The following EXOC4 variants were observed in gnomAD, a reference collection of about 807,000 sequenced individuals.
The protein encoded by EXOC4 is exocyst complex component 4.
A neutral mutation model predicts 107.2 loss-of-function variants in EXOC4; 71 were observed. The observed-to-expected ratio is 0.66, with a 90% confidence interval of 0.55 to 0.81. The LOEUF (loss-of-function observed/expected upper bound fraction) is 0.81. EXOC4 is among the 30% of genes least tolerant of loss of function. The pLI, the probability that EXOC4 is intolerant of heterozygous loss-of-function variation, is 0.00. For synonymous variants in EXOC4, 456 were observed against 441.2 expected (o/e 1.03, Z -0.42); for missense variants, 1,108 against 1,189.6 (o/e 0.93, Z 1.01).
intron 9 of EXOC4, among the ~76,000 whole-genome samples, chr7:133,610,805 T>C (rs887163829): frequency 3.3e-5 from 5 of 151,196 alleles, no homozygotes; most frequent in Admixed American, 2.6e-4. Flanking sequence ...ATATATTTGT[T>C]CTTTTTTACT....
At chr7:133,425,076 G>A (rs1055259817) in intron 7 of EXOC4, among the ~76,000 whole-genome samples, 1 of 149,550 alleles carries the variant, frequency 6.7e-6, no homozygotes, top group Non-Finnish European at 1.5e-5. Context: ...TGGACTCCAT[G>A]AACTGCAGTT....
intron 10 of EXOC4, among the ~76,000 whole-genome samples, chr7:133,748,054 C>T (rs968106125): frequency 4.6e-5 from 7 of 152,132 alleles, no homozygotes; most frequent in African/African-American, 1.7e-4. Flanking sequence ...TAGATTTTCT[C>T]TTCCCGGGGG....
At chr7:133,406,879 A>G (rs542550449) in intron 7 of EXOC4, among the ~76,000 whole-genome samples, 2 of 152,238 alleles carry the variant, frequency 1.3e-5, no homozygotes, top group Admixed American at 6.5e-5. Context: ...GAGAGGGGAC[A>G]GTCCATTGCC....
chr7:133,392,381 G>A (rs1190244525), intron 7 of EXOC4, among the ~76,000 whole-genome samples: 1 of 152,108 alleles, frequency 6.6e-6, no homozygotes, highest in South Asian at 2.1e-4. Flanking sequence ...CATCCCTCCT[G>A]GTGTTGTAGA....
chr7:133,888,759 C>T (rs991596068), intron 11 of EXOC4, among the ~76,000 whole-genome samples: 4 of 152,102 alleles, frequency 2.6e-5, no homozygotes, highest in South Asian at 2.1e-4. Flanking sequence ...AGCAGAACTC[C>T]GGTCTGGCTC....
At chr7:133,505,687 T>C (rs1313805048) in intron 9 of EXOC4, among the ~76,000 whole-genome samples, 2 of 152,176 alleles carry the variant, frequency 1.3e-5, no homozygotes, top group Admixed American at 6.5e-5. Flanking sequence ...TTAGATCACA[T>C]TAAGGTTTTC....
At chr7:133,260,550 A>G (rs756478220) in intron 1 of EXOC4, among the ~76,000 whole-genome samples, 2 of 152,250 alleles carry the variant, frequency 1.3e-5, no homozygotes, top group Non-Finnish European at 2.9e-5. Flanking sequence ...CAGGGATTAC[A>G]GGTGTGAGGC....
At chr7:133,438,528 C>T (rs943815964) in intron 7 of EXOC4, among the ~76,000 whole-genome samples, 6 of 152,084 alleles carry the variant, frequency 3.9e-5, no homozygotes, top group Middle Eastern at 3.2e-3. Context: ...GCTTTAATAG[C>T]CATGAGAATC....
chr7:133,689,133 G>T (rs1457217228), intron 10 of EXOC4, among the ~76,000 whole-genome samples: 1 of 152,082 alleles, frequency 6.6e-6, no homozygotes, highest in Admixed American at 6.5e-5. Flanking sequence ...CATAGTAGAG[G>T]TGATTATTCA....
intron 9 of EXOC4, among the ~76,000 whole-genome samples, chr7:133,512,284 G>A (rs1195652291): frequency 6.6e-6 from 1 of 152,078 alleles, no homozygotes; most frequent in Non-Finnish European, 1.5e-5. Flanking sequence ...ACAAAAATTA[G>A]CCAGGCGTGG....
chr7:133,650,584 C>G (rs1346440315), intron 10 of EXOC4, among the ~76,000 whole-genome samples: 3 of 152,052 alleles, frequency 2.0e-5, no homozygotes, highest in Non-Finnish European at 1.5e-5. Context: ...CTAATTCATG[C>G]CACTTCAAAC....
intron 5 of EXOC4, 22 bp downstream of exon 5, chr7:133,317,412 C>A: frequency 6.7e-7 from 1 of 1,497,696 alleles, no homozygotes; most frequent in Non-Finnish European, 9.3e-7. Flanking sequence ...ATTCTTCAGC[C>A]ACTAAGCTTT....
chr7:133,348,976 T>C (rs1795847512), intron 5 of EXOC4, among the ~76,000 whole-genome samples: 1 of 152,200 alleles, frequency 6.6e-6, no homozygotes, highest in Non-Finnish European at 1.5e-5. Flanking sequence ...AATCTGGTCA[T>C]TATACCTCTT....
At chr7:133,536,136 T>A (rs1800265395) in intron 9 of EXOC4, among the ~76,000 whole-genome samples, 1 of 152,190 alleles carries the variant, frequency 6.6e-6, no homozygotes, top group Non-Finnish European at 1.5e-5. Flanking sequence ...ATACTCCTAG[T>A]CACACTGTCC....
chr7:133,320,409 C>G (rs1206383499), intron 5 of EXOC4, among the ~76,000 whole-genome samples: 1 of 152,164 alleles, frequency 6.6e-6, no homozygotes, highest in African/African-American at 2.4e-5. Context: ...CCTCCATCTT[C>G]AAAACCAGCA....
intron 10 of EXOC4, among the ~76,000 whole-genome samples, chr7:133,805,919 T>C (rs1392227411): frequency 1.3e-5 from 2 of 152,250 alleles, no homozygotes; most frequent in Admixed American, 6.5e-5. Flanking sequence ...ATTCTGTCTA[T>C]TCACCTGCGT....
chr7:134,055,511 C>A (rs6971064), intron 17 of EXOC4, among the ~76,000 whole-genome samples: 26,669 of 152,194 alleles, frequency 0.18, 2,715 homozygotes, highest in African/African-American at 0.27. Context: ...CATATGTTCC[C>A]ATCAAAGCCA....
At position 133,843,537 on chromosome 7, in the gene EXOC4, A is replaced by G. The variant is rs116459353; in HGVS notation, c.1734+25993A>G. 2.4e-3 allele frequency among the ~76,000 whole-genome samples: 360 copies of G among 152,332 alleles called. 5 individuals are homozygous for G. The highest frequency in any genetic ancestry group is 8.1e-3 in the African/African-American group (336 of 41,584). ...GATTTTGTATCCTGAAACTTTGCCA[A>G]AGTTGCTTATCAGATCAAGGAGCTT... On this transcript the variant is annotated intron_variant, in intron 11 of 17. Coordinates refer to ENST00000253861, the MANE Select transcript of EXOC4 (RefSeq NM_021807.4).
chr7:133,512,322 C>G (rs189637878), intron 9 of EXOC4, among the ~76,000 whole-genome samples: 2 of 151,792 alleles, frequency 1.3e-5, no homozygotes, highest in Admixed American at 1.3e-4. Context: ...CCCAGCTGCT[C>G]GGGAACTAAG....
Sources: gnomAD v4.1 joint callset for allele counts (sites outside exome capture counted in the v4.1 genomes callset) on GRCh38, gnomAD v4.1.1 for gene constraint, MANE v1.5 for transcripts, NCBI Gene and HGNC (gene_info 2026-07-23, HGNC 2026-07-21) for gene names.